SUGCT: variants seen among roughly 807,000 people sequenced by gnomAD.
The protein encoded by SUGCT is succinyl-CoA:glutarate CoA-transferase.
SUGCT carries 41 observed loss-of-function variants against 55.0 expected under a neutral mutation model. That is an observed-to-expected ratio of 0.74 (90% CI 0.58 to 0.97). The LOEUF is 0.97. Ranked by LOEUF, SUGCT falls within the 50% of genes least tolerant of loss-of-function variation. The pLI, the probability that SUGCT is intolerant of heterozygous loss-of-function variation, is 0.00. For missense variants in SUGCT, 568 were observed against 547.8 expected (o/e 1.04, Z -0.37); for synonymous variants, 187 against 200.4 (o/e 0.93, Z 0.56).
At chr7:40,393,295 T>C (rs1224449086) in intron 9 of SUGCT, among the ~76,000 whole-genome samples, 1 of 152,092 alleles carries the variant, frequency 6.6e-6, no homozygotes, top group African/African-American at 2.4e-5. Context: ...ACAGACACAA[T>C]TTCAGAAAAA....
the SUGCT span, among the ~76,000 whole-genome samples, chr7:40,949,066 C>A: frequency 1.3e-4 from 20 of 152,296 alleles, no homozygotes; most frequent in African/African-American, 4.1e-4. Context: ...TTTACAGTCC[C>A]ACCAACAGTG....
chr7:40,305,090 G>A (rs866101563), intron 8 of SUGCT, among the ~76,000 whole-genome samples: 7 of 152,042 alleles, frequency 4.6e-5, no homozygotes, highest in Middle Eastern at 3.2e-3. Context: ...TGAATACGGG[G>A]CCTCAGTCCC....
chr7:40,861,495 A>G (rs537364728), downstream of SUGCT, among the ~76,000 whole-genome samples: 114 of 152,312 alleles, frequency 7.5e-4, 1 homozygote, highest in African/African-American at 2.7e-3. Context: ...AAGCCCAGGT[A>G]TAGTCTGGGG....
the SUGCT span, among the ~76,000 whole-genome samples, chr7:40,898,029 C>G: frequency 1.3e-5 from 2 of 152,102 alleles, no homozygotes; most frequent in African/African-American, 4.8e-5. Context: ...TGTGTTCTTT[C>G]GCTTTTCAGA....
chr7:40,758,436 A>T (rs77041507), intron 13 of SUGCT, among the ~76,000 whole-genome samples: 2,280 of 152,306 alleles, frequency 0.015, 146 homozygotes, highest in East Asian at 0.092. Flanking sequence ...CAATGTTATG[A>T]TAATATTAAA....
chr7:40,566,290 A>G (rs1796149715), intron 12 of SUGCT, among the ~76,000 whole-genome samples: 2 of 152,308 alleles, frequency 1.3e-5, no homozygotes, highest in South Asian at 4.1e-4. Flanking sequence ...TTCCTTTCCC[A>G]GGAAGGGCCC....
At chr7:40,378,438 A>C (rs1784712490) in intron 9 of SUGCT, among the ~76,000 whole-genome samples, 1 of 152,086 alleles carries the variant, frequency 6.6e-6, no homozygotes, top group African/African-American at 2.4e-5. Context: ...TGTACTTTTC[A>C]ACTCCAGATA....
intron 12 of SUGCT, among the ~76,000 whole-genome samples, chr7:40,594,365 C>T (rs913384649): frequency 1.3e-5 from 2 of 151,418 alleles, no homozygotes; most frequent in Non-Finnish European, 1.5e-5. Flanking sequence ...ATGTAAAATC[C>T]CAATATATTA....
chr7:40,608,464 G>A (rs1798622693), intron 12 of SUGCT, among the ~76,000 whole-genome samples: 1 of 152,168 alleles, frequency 6.6e-6, no homozygotes, highest in African/African-American at 2.4e-5. Context: ...CAAAGTATGA[G>A]TAACACATGA....
chr7:40,970,333 A>G, the SUGCT span, among the ~76,000 whole-genome samples: 3 of 152,010 alleles, frequency 2.0e-5, no homozygotes, highest in Non-Finnish European at 4.4e-5. Flanking sequence ...CACCATGCCC[A>G]GCTAATTTTT....
the SUGCT span, among the ~76,000 whole-genome samples, chr7:40,899,367 C>T: frequency 2.0e-5 from 3 of 152,174 alleles, no homozygotes; most frequent in Non-Finnish European, 2.9e-5. Context: ...TATAAATACG[C>T]CCTGTGAATG....
At chr7:40,991,269 G>A in the SUGCT span, among the ~76,000 whole-genome samples, 2 of 152,138 alleles carry the variant, frequency 1.3e-5, no homozygotes, top group Non-Finnish European at 2.9e-5. Context: ...GGTTGGTGGA[G>A]GAGTCAGAGC....
chr7:40,236,798 T>C (rs1233181489), intron 6 of SUGCT, among the ~76,000 whole-genome samples: 1 of 152,066 alleles, frequency 6.6e-6, no homozygotes, highest in Non-Finnish European at 1.5e-5. Flanking sequence ...TCTAATTGAT[T>C]ATTGCATGTG....
At chr7:40,762,552 C>T (rs927617768) in intron 13 of SUGCT, among the ~76,000 whole-genome samples, 7 of 152,090 alleles carry the variant, frequency 4.6e-5, no homozygotes, top group African/African-American at 1.7e-4. Context: ...ATTTGGCTGC[C>T]ATGATACGGA....
intron 12 of SUGCT, among the ~76,000 whole-genome samples, chr7:40,522,796 C>T (rs1793607814): frequency 6.6e-6 from 1 of 152,014 alleles, no homozygotes; most frequent in Non-Finnish European, 1.5e-5. Flanking sequence ...AATGTTTGTC[C>T]CATGTGCATA....
intron 12 of SUGCT, among the ~76,000 whole-genome samples, chr7:40,606,701 A>G (rs958246100): frequency 2.6e-5 from 4 of 152,236 alleles, no homozygotes; most frequent in African/African-American, 7.2e-5. Context: ...AGTCTTTATC[A>G]TGGAACCTGT....
At chr7:40,408,615 CTTT>C (rs1227600791) in intron 9 of SUGCT, among the ~76,000 whole-genome samples, 1 of 152,072 alleles carries the variant, frequency 6.6e-6, no homozygotes, top group African/African-American at 2.4e-5. Context: ...TTTTTAAAAA[CTTT>C]TTTTCTTTTC....
rs372474433 is a variant in SUGCT at position 40,710,133 on chromosome 7, C to G, written c.1090-39301C>G. Among the ~76,000 whole-genome samples, 5 of 152,292 alleles carry G rather than the reference C, an allele frequency of 3.3e-5. No individual in the cohort carries two copies. In the East Asian group the frequency reaches 9.7e-4, roughly 29 times the overall value. ...CCTAAAAAAGAATTCCTAGATATTG[C>G]TCCTCTTTTCAAAATTCCCAGTCTT... is the stretch of plus-strand genomic sequence containing the variant. On this transcript the variant is annotated intron_variant, in intron 12 of 13. Transcript: ENST00000335693.
chr7:40,852,086 T>C (rs1793880537), intron 13 of SUGCT, among the ~76,000 whole-genome samples: 1 of 152,202 alleles, frequency 6.6e-6, no homozygotes, highest in African/African-American at 2.4e-5. Flanking sequence ...CACTGACATC[T>C]CTCTTTGGAT....
Sources: allele counts gnomAD v4.1 joint callset (sites outside exome capture counted in the v4.1 genomes callset), GRCh38; gene constraint gnomAD v4.1.1; transcripts MANE v1.5; gene names NCBI Gene and HGNC (gene_info 2026-07-23, HGNC 2026-07-21).